Variants in TCF7L2 observed in about 807,000 individuals in gnomAD.
TCF7L2 encodes the protein transcription factor 7-like 2.
TCF7L2 carries 23 observed loss-of-function variants against 77.9 expected under a neutral mutation model. The observed-to-expected ratio is 0.30, with a 90% CI of 0.21 to 0.42. TCF7L2 has a LOEUF of 0.42. Among genes scored for constraint, TCF7L2 ranks in the 10% least tolerant of loss-of-function variants. TCF7L2 has a pLI of 1.00. For missense variants in TCF7L2, 654 were observed against 793.1 expected, an observed-to-expected ratio of 0.82 and a Z score of 2.11; for synonymous variants, 413 against 340.2, an observed-to-expected ratio of 1.21 and a Z score of -2.36.
At chr10:113,024,312 C>CA (rs908839879) in intron 4 of TCF7L2, among the ~76,000 whole-genome samples, 13 of 150,464 alleles carry the variant, frequency 8.6e-5, no homozygotes, top group Middle Eastern at 3.4e-3. Flanking sequence ...CAAAACAAAA[C>CA]AAACAAACAA....
At chr10:113,036,138 A>G (rs2051195394) in intron 4 of TCF7L2, among the ~76,000 whole-genome samples, 1 of 151,208 alleles carries the variant, frequency 6.6e-6, no homozygotes, top group African/African-American at 2.4e-5. Flanking sequence ...CATCATCATC[A>G]TCATCATCAT....
intron 13 of TCF7L2, among the ~76,000 whole-genome samples, chr10:113,164,717 C>T (rs1034664355): frequency 2.0e-5 from 3 of 152,016 alleles, no homozygotes; most frequent in African/African-American, 7.3e-5. Context: ...CCCTCCCCCA[C>T]CTTTGTTTAT....
At chr10:113,015,402 G>A (rs1247685082) in intron 4 of TCF7L2, among the ~76,000 whole-genome samples, 3 of 151,236 alleles carry the variant, frequency 2.0e-5, no homozygotes, top group East Asian at 1.9e-4. Flanking sequence ...TCCCTGCCTC[G>A]TGCCAGGTGT....
intron 6 of TCF7L2, among the ~76,000 whole-genome samples, chr10:113,141,574 C>A (rs1242360361): frequency 6.6e-6 from 1 of 152,154 alleles, no homozygotes; most frequent in Non-Finnish European, 1.5e-5. Flanking sequence ...CTTCCAGTAC[C>A]CCTGAAGGGG....
chr10:113,062,270 GC>G (rs2056582030), intron 5 of TCF7L2, among the ~76,000 whole-genome samples: 1 of 152,134 alleles, frequency 6.6e-6, no homozygotes. Context: ...GCCTACCCCT[GC>G]TGTTGCCACA....
At chr10:113,061,547 G>C (rs2056444552) in intron 5 of TCF7L2, among the ~76,000 whole-genome samples, 1 of 152,172 alleles carries the variant, frequency 6.6e-6, no homozygotes, top group African/African-American at 2.4e-5. Flanking sequence ...AATTGTCGCA[G>C]GTATTAGTGA....
At position 113,152,434 on chromosome 10, in the gene TCF7L2, T is replaced by A. The variant is rs751489990; in HGVS notation, c.1263T>A (p.Asp421Glu). The A allele has an allele frequency of 6.2e-7, 1 of 1,613,460 alleles. No homozygotes were observed. The highest frequency in any genetic ancestry group is 8.5e-7 in the Non-Finnish European group (1 of 1,179,526). The change falls in exon 11 of 14, where the codon GAT (aspartate) becomes GAA (glutamate). Residue 421 changes from aspartate (D) to glutamate (E), a missense_variant. This residue lies in a region of TCF7L2 where 31 missense variants were observed against 116.1 expected (regional missense o/e 0.27). Transcript: ENST00000627217. The stretch of plus-strand genomic sequence containing the variant: ...TGTACCCCGGCTGGTCCGCGCGGGA[T>A]AACTATGTAGGTGGATCATTTTCGT...
chr10:113,002,153 G>A (rs1355171895), intron 4 of TCF7L2, among the ~76,000 whole-genome samples: 3 of 152,110 alleles, frequency 2.0e-5, no homozygotes, highest in East Asian at 3.8e-4. Flanking sequence ...TTTGTATGAG[G>A]CCTCGGACTT....
intron 4 of TCF7L2, among the ~76,000 whole-genome samples, chr10:112,980,910 G>A (rs1226785221): frequency 6.6e-6 from 1 of 152,242 alleles, no homozygotes; most frequent in Non-Finnish European, 1.5e-5. Flanking sequence ...ACAGGCGTGA[G>A]CCACCATTCC....
At chr10:112,991,808 G>A (rs756339747) in intron 4 of TCF7L2, among the ~76,000 whole-genome samples, 1 of 152,128 alleles carries the variant, frequency 6.6e-6, no homozygotes, top group Non-Finnish European at 1.5e-5. Context: ...GGCACGTGGG[G>A]CACTCTGCTT....
At chr10:113,080,747 G>A (rs1301926237) in intron 5 of TCF7L2, among the ~76,000 whole-genome samples, 2 of 152,098 alleles carry the variant, frequency 1.3e-5, no homozygotes, top group Admixed American at 1.3e-4. Context: ...ACCCGAGAAG[G>A]TTTAAATAAC....
chr10:113,089,391 T>G (rs1249467137), intron 5 of TCF7L2: 1 of 1,612,224 alleles, frequency 6.2e-7, no homozygotes, highest in Non-Finnish European at 8.5e-7. Context: ...CCTTTCTTCC[T>G]GGCAGCAGAG....
chr10:113,160,784 C>G, intron 13 of TCF7L2: 1 of 1,197,066 alleles, frequency 8.4e-7, no homozygotes, highest in Non-Finnish European at 1.2e-6. Flanking sequence ...CGTTCCCCAT[C>G]TACTTCCCCT....
chr10:113,143,386 T>A (rs561242818), intron 6 of TCF7L2, among the ~76,000 whole-genome samples: 56 of 152,360 alleles, frequency 3.7e-4, no homozygotes, highest in African/African-American at 1.3e-3. Flanking sequence ...TTGATCAGTT[T>A]CTCCAGCTCA....
chr10:113,042,915 G>A (rs866888315), intron 5 of TCF7L2, among the ~76,000 whole-genome samples: 6 of 152,152 alleles, frequency 3.9e-5, no homozygotes, highest in African/African-American at 7.2e-5. Context: ...GGTCTGGTTC[G>A]TGTTTAGAGT....
chr10:113,082,203 T>C (rs2059380584), intron 5 of TCF7L2, among the ~76,000 whole-genome samples: 1 of 151,970 alleles, frequency 6.6e-6, no homozygotes, highest in East Asian at 1.9e-4. Flanking sequence ...CCACTTCATC[T>C]TATTACCTTT....
intron 5 of TCF7L2, among the ~76,000 whole-genome samples, chr10:113,087,934 C>T (rs1256145874): frequency 6.6e-6 from 1 of 152,080 alleles, no homozygotes; most frequent in African/African-American, 2.4e-5. Context: ...TAACTTTTTC[C>T]TTTATTTTTG....
chr10:113,040,213 C>A, intron 5 of TCF7L2, 87 bp downstream of exon 5: 2 of 1,137,794 alleles, frequency 1.8e-6, no homozygotes, highest in South Asian at 1.5e-5. Context: ...CCTTATTTGT[C>A]ATTTTTTTCT....
intron 4 of TCF7L2, among the ~76,000 whole-genome samples, chr10:113,011,613 T>TTTACTACCTTGAGTGTTGCTGTTGAGTA: frequency 6.6e-6 from 1 of 151,580 alleles, no homozygotes; most frequent in East Asian, 2.0e-4. Flanking sequence ...ACTGTCGAAT[T>TTTACTACCTTGAGTGTTGCTGTTGAGTA]TTACTACCTT....
Sources: allele counts gnomAD v4.1 joint callset (sites outside exome capture counted in the v4.1 genomes callset), GRCh38; gene constraint gnomAD v4.1.1; regional missense constraint gnomAD v4.1.1; transcripts MANE v1.5; gene names NCBI Gene and HGNC (gene_info 2026-07-23, HGNC 2026-07-21).